Variants in DPY19L3 observed in about 807,000 individuals in gnomAD.
The protein encoded by DPY19L3 is protein C-mannosyl-transferase DPY19L3.
Under a neutral mutation model 92.3 loss-of-function variants are expected in DPY19L3, and 51 were observed. That is an observed-to-expected ratio of 0.55 (90% confidence interval 0.44 to 0.70). DPY19L3 has a LOEUF of 0.70. Ranked by LOEUF, DPY19L3 falls within the 30% of genes least tolerant of loss-of-function variation. The probability of loss-of-function intolerance (pLI) is 0.00; values close to 1 mark genes in which losing one functional copy is unlikely to be tolerated. For synonymous variants in DPY19L3, 309 were observed against 315.2 expected (o/e 0.98, Z 0.21); for missense variants, 706 against 855.9 (o/e 0.82, Z 2.18).
intron 3 of DPY19L3, among the ~76,000 whole-genome samples, chr19:32,426,790 T>C (rs1022354035): frequency 6.6e-6 from 1 of 152,182 alleles, no homozygotes; most frequent in Non-Finnish European, 1.5e-5. Flanking sequence ...TTGGAAGAAT[T>C]ACTAAAATGT....
intron 7 of DPY19L3, 33 bp downstream of exon 7, chr19:32,439,268 C>G (rs771190249): frequency 6.3e-7 from 1 of 1,592,908 alleles, no homozygotes; most frequent in African/African-American, 1.3e-5. Context: ...ATATTTTAAT[C>G]CCCCAATTTT....
intron 10 of DPY19L3, 41 bp from the exon 11 acceptor site, chr19:32,458,059 A>G (rs1272043188): frequency 2.0e-6 from 3 of 1,499,690 alleles, no homozygotes; most frequent in South Asian, 1.2e-5. Flanking sequence ...AACCGTGCCT[A>G]AAGGACTAAT....
At chr19:32,431,290 A>G (rs1316836611) in intron 3 of DPY19L3, among the ~76,000 whole-genome samples, 1 of 152,010 alleles carries the variant, frequency 6.6e-6, no homozygotes, top group Non-Finnish European at 1.5e-5. Flanking sequence ...AGGCAGGACA[A>G]TCGCTTGAAC....
chr19:32,407,264 T>TCCCCCCCCCCCCCCCTCC (rs148363125), intron 1 of DPY19L3, among the ~76,000 whole-genome samples: 2 of 81,318 alleles, frequency 2.5e-5, no homozygotes, highest in Non-Finnish European at 4.9e-5. Context: ...AGGCTCCTGC[T>TCCCCCCCCCCCCCCCTCC]CCCCCCCACC....
At chr19:32,465,979 TCAGTGGATTAAAG>T (rs1440358984) in intron 15 of DPY19L3, among the ~76,000 whole-genome samples, 1 of 152,218 alleles carries the variant, frequency 6.6e-6, no homozygotes, top group Non-Finnish European at 1.5e-5. Flanking sequence ...ACACAATGAT[TCAGTGGATTAAAG>T]CACCCTCCTC....
intron 12 of DPY19L3, among the ~76,000 whole-genome samples, chr19:32,460,693 C>T (rs1304816930): frequency 1.3e-5 from 2 of 152,124 alleles, no homozygotes; most frequent in African/African-American, 4.8e-5. Flanking sequence ...CTTACGAATC[C>T]ACTGTGGTAT....
At chr19:32,441,178 T>G (rs1172369987) in intron 8 of DPY19L3, among the ~76,000 whole-genome samples, 5 of 152,152 alleles carry the variant, frequency 3.3e-5, no homozygotes, top group Admixed American at 3.3e-4. Flanking sequence ...GTAAATAATC[T>G]GCCATGTTCA....
At position 32,407,270 on chromosome 19, in the gene DPY19L3, C is replaced by G. The variant is rs968154879; in HGVS notation, c.-37-947C>G. Among the ~76,000 whole-genome samples the G allele has an allele frequency of 4.4e-4, 55 of 126,084 alleles. 3 individuals carry two copies. Among genetic ancestry groups the G allele is most frequent in the African/African-American group, 1.6e-3 (53 of 33,000 alleles). The allele number at this position is 126,084 out of a possible 152,430, so 82.7% of individuals were successfully genotyped here. Reference sequence around the variant, plus strand: ...TGCCAAACCAGGCTCCTGCTCCCCCCCACCCATTACTCCCACCGACGCTCC... The same window carrying G: ...TGCCAAACCAGGCTCCTGCTCCCCCGCACCCATTACTCCCACCGACGCTCC... On this transcript the variant is annotated intron_variant, in intron 1 of 18. Transcript: ENST00000392250.
chr19:32,482,090 C>T lies in DPY19L3; in HGVS notation c.2001C>T (p.Gly667=), dbSNP rs201630952. 5 of 1,613,478 alleles carry T rather than the reference C, an allele frequency of 3.1e-6. No homozygotes were observed. The Admixed American group carries it at 8.4e-5, about 27-fold the overall frequency. ...TGTTTTGGTTTTAGATGATGGATGG[C>T]CCAGGAGAGAATGATCCTGATTTGA... ...LDIANGHMMD[G]PGENDPDLKP... Residue 667 remains glycine (G), a synonymous_variant, in exon 19 of 19, where the codon GGC becomes GGT. Transcript: ENST00000392250.
chr19:32,417,343 G>A (rs1038657052), intron 3 of DPY19L3, among the ~76,000 whole-genome samples: 4 of 152,060 alleles, frequency 2.6e-5, no homozygotes, highest in South Asian at 2.1e-4. Flanking sequence ...TTTCTGAGAC[G>A]GAGTCTCGCT....
chr19:32,453,001 C>G, intron 8 of DPY19L3, 144 bp from the exon 9 acceptor site: 1 of 973,364 alleles, frequency 1.0e-6, no homozygotes. Flanking sequence ...GCCACCGCGC[C>G]TGGCCTAGAT....
At chr19:32,418,338 A>G (rs1026728822) in intron 3 of DPY19L3, among the ~76,000 whole-genome samples, 1 of 152,152 alleles carries the variant, frequency 6.6e-6, no homozygotes, top group Non-Finnish European at 1.5e-5. Context: ...CTGCCTAGGC[A>G]TTTGGTTTTG....
At chr19:32,439,698 C>T (rs1969262846) in intron 7 of DPY19L3, 78 bp from the exon 8 acceptor site, 1 of 1,457,572 alleles carries the variant, frequency 6.9e-7, no homozygotes, top group African/African-American at 1.4e-5. Flanking sequence ...GAGATACTGG[C>T]TGCTCTTGAG....
intron 9 of DPY19L3, among the ~76,000 whole-genome samples, chr19:32,454,215 T>A (rs1318069015): frequency 6.6e-6 from 1 of 152,208 alleles, no homozygotes; most frequent in Non-Finnish European, 1.5e-5. Flanking sequence ...TACTTCTTTT[T>A]ACACCCATAA....
chr19:32,480,537 C>T lies in DPY19L3; in HGVS notation c.1969C>T (p.Leu657=), dbSNP rs776437701. 5 of 1,613,302 alleles carry T rather than the reference C, an allele frequency of 3.1e-6. No individual in the cohort carries two copies. Among genetic ancestry groups the T allele is most frequent in the Non-Finnish European group, 8.5e-7 (1 of 1,179,586 alleles). ...HRRGCRLRDL[L]DIANGHMMDG... is the part of the protein sequence containing the mutation. The stretch of plus-strand genomic sequence containing the variant: ...CCGGGGCTGCCGACTCCGGGACCTG[C>T]TGGACATTGCCAACGGCCACGTGAG... Residue 657 remains leucine (L), a synonymous_variant, in exon 18 of 19, where the codon CTG becomes TTG. Coordinates refer to ENST00000392250, the MANE Select transcript of DPY19L3 (RefSeq NM_001172774.2).
At chr19:32,422,405 CATT>C (rs1968600983) in intron 3 of DPY19L3, among the ~76,000 whole-genome samples, 4 of 152,072 alleles carry the variant, frequency 2.6e-5, no homozygotes. Flanking sequence ...AAAGTAGAAT[CATT>C]ATAGAAATTA....
chr19:32,420,141 A>G (rs1968520461), intron 3 of DPY19L3, among the ~76,000 whole-genome samples: 1 of 152,022 alleles, frequency 6.6e-6, no homozygotes, highest in Non-Finnish European at 1.5e-5. Flanking sequence ...TACAGGCATG[A>G]ACCACCACAC....
intron 3 of DPY19L3, among the ~76,000 whole-genome samples, chr19:32,416,470 G>A: frequency 6.6e-6 from 1 of 152,144 alleles, no homozygotes; most frequent in East Asian, 1.9e-4. Flanking sequence ...CACGTTTGGG[G>A]CCCCCCCAGG....
At chr19:32,481,372 T>C (rs1186614244) in intron 18 of DPY19L3, 1 of 152,142 alleles carries the variant, frequency 6.6e-6, no homozygotes, top group Admixed American at 6.5e-5. Context: ...GAGACATCCA[T>C]TTAAATTTTG....
Sources: allele counts gnomAD v4.1 joint callset (sites outside exome capture counted in the v4.1 genomes callset), GRCh38; gene constraint gnomAD v4.1.1; transcripts MANE v1.5; gene names NCBI Gene and HGNC (gene_info 2026-07-23, HGNC 2026-07-21).